Variants in STAC observed in about 807,000 individuals in gnomAD.
STAC encodes SH3 and cysteine rich domain, also known as SH3 and cysteine-rich domain-containing protein.
A neutral mutation model predicts 48.8 loss-of-function variants in STAC; 43 were observed. The ratio of observed to expected loss-of-function variants is 0.88; its 90% CI spans 0.69 to 1.14. The LOEUF is 1.14. Ranked by LOEUF, STAC falls within the 50% of genes most tolerant of loss-of-function variation. STAC has a pLI of 0.00. For missense variants in STAC, 497 were observed against 504.0 expected, an observed-to-expected ratio of 0.99 and a Z score of 0.13; for synonymous variants, 193 against 179.5, an observed-to-expected ratio of 1.07 and a Z score of -0.60.
chr3:36,429,349 G>A (rs1700635850), intron 1 of STAC, among the ~76,000 whole-genome samples: 4 of 152,108 alleles, frequency 2.6e-5, no homozygotes, highest in Admixed American at 2.6e-4. Flanking sequence ...TCTGGTCCTT[G>A]TGCTGCCCCA....
intron 1 of STAC, among the ~76,000 whole-genome samples, chr3:36,427,109 C>T (rs879767491): frequency 2.0e-5 from 3 of 152,166 alleles, no homozygotes; most frequent in Non-Finnish European, 4.4e-5. Flanking sequence ...AGTTAGCCTC[C>T]ACCTTTCTCA....
At chr3:36,411,770 G>A (rs1213476847) in intron 1 of STAC, among the ~76,000 whole-genome samples, 1 of 152,162 alleles carries the variant, frequency 6.6e-6, no homozygotes, top group African/African-American at 2.4e-5. Flanking sequence ...CAATATGAGT[G>A]GGTCACGAGC....
chr3:36,514,042 T>C (rs1366374017), intron 8 of STAC, among the ~76,000 whole-genome samples: 1 of 151,938 alleles, frequency 6.6e-6, no homozygotes, highest in African/African-American at 2.4e-5. Context: ...TAAAAGGAGA[T>C]AATCACTTTG....
chr3:36,393,423 A>G (rs1355475304), intron 1 of STAC, among the ~76,000 whole-genome samples: 2 of 152,040 alleles, frequency 1.3e-5, no homozygotes, highest in Non-Finnish European at 2.9e-5. Flanking sequence ...AAAAATGCAT[A>G]ACATTATTTT....
intron 7 of STAC, 83 bp from the exon 8 acceptor site, chr3:36,505,663 T>A (rs1391743635): frequency 1.1e-6 from 1 of 891,416 alleles, no homozygotes; most frequent in East Asian, 2.6e-5. Flanking sequence ...TTGCAATGAC[T>A]TCTCCATTTC....
At chr3:36,529,338 C>G (rs1699012746) in intron 10 of STAC, 1 of 160,600 alleles carries the variant, frequency 6.2e-6, no homozygotes, top group Non-Finnish European at 1.4e-5. Flanking sequence ...CTTCAGTGCT[C>G]TCTAACAAAT....
At chr3:36,482,953 A>G (rs1349305184) in intron 2 of STAC, 39 bp from the exon 3 acceptor site, 3 of 1,424,538 alleles carry the variant, frequency 2.1e-6, no homozygotes, top group Non-Finnish European at 3.0e-6. Flanking sequence ...AGGAAATGGC[A>G]GGTTGTATCC....
intron 2 of STAC, among the ~76,000 whole-genome samples, chr3:36,448,171 T>A (rs1696569651): frequency 7.1e-6 from 1 of 140,542 alleles, no homozygotes; most frequent in Admixed American, 7.5e-5. Context: ...TTATTTTATT[T>A]TATTTTATTT....
intron 1 of STAC, among the ~76,000 whole-genome samples, chr3:36,410,421 A>T (rs189285324): frequency 2.6e-5 from 4 of 152,172 alleles, no homozygotes; most frequent in Non-Finnish European, 4.4e-5. Context: ...TCTTTAAATT[A>T]TCTCAACAGC....
intron 1 of STAC, among the ~76,000 whole-genome samples, chr3:36,423,750 A>T (rs937845983): frequency 7.9e-5 from 12 of 152,154 alleles, no homozygotes; most frequent in African/African-American, 2.7e-4. Context: ...TATAAGTATG[A>T]GCAAATTCTT....
chr3:36,505,644 G>A (rs1559517387), intron 7 of STAC, 102 bp from the exon 8 acceptor site: 2 of 759,974 alleles, frequency 2.6e-6, no homozygotes, highest in Admixed American at 5.9e-5. Context: ...TCCATACACT[G>A]AAATTACATT....
chr3:36,461,887 G>A (rs1306433691), intron 2 of STAC, among the ~76,000 whole-genome samples: 1 of 152,166 alleles, frequency 6.6e-6, no homozygotes, highest in Non-Finnish European at 1.5e-5. Flanking sequence ...GTAGGCCACT[G>A]CAAGGACTTT....
chr3:36,385,747 A>T (rs1699602978), intron 1 of STAC, among the ~76,000 whole-genome samples: 2 of 152,154 alleles, frequency 1.3e-5, no homozygotes, highest in Non-Finnish European at 2.9e-5. Flanking sequence ...TGATAAATTG[A>T]ATCATACAAT....
At chr3:36,463,315 C>T (rs567905397) in intron 2 of STAC, among the ~76,000 whole-genome samples, 1 of 152,100 alleles carries the variant, frequency 6.6e-6, no homozygotes, top group Non-Finnish European at 1.5e-5. Flanking sequence ...TTAATTTCAT[C>T]CTCAGTCATT....
Position 36,403,576 on chromosome 3 carries a change from C to A in STAC, c.111+22822C>A, listed in dbSNP as rs80016120. Among the ~76,000 whole-genome samples the A allele has an allele frequency of 9.1e-4, 138 of 150,916 alleles. 2 individuals are homozygous for A. In the East Asian group the frequency reaches 0.026, roughly 29 times the overall value. The stretch of plus-strand genomic sequence containing the variant: ...GAGCAATGAAAGTAAAATAGAAGTG[C>A]CACACAGTAAAAGCAAAAAATGTAA... On this transcript the variant is annotated intron_variant, in intron 1 of 10. Transcript: ENST00000273183.
intron 1 of STAC, among the ~76,000 whole-genome samples, chr3:36,391,800 C>A (rs1699756484): frequency 1.3e-5 from 2 of 152,148 alleles, no homozygotes; most frequent in South Asian, 4.1e-4. Flanking sequence ...GAAACATATA[C>A]CTGTTGCCTG....
chr3:36,538,931 T>C (rs1168043142), intron 10 of STAC, among the ~76,000 whole-genome samples: 2 of 152,210 alleles, frequency 1.3e-5, no homozygotes, highest in Non-Finnish European at 2.9e-5. Context: ...CAATGCCTCT[T>C]TCTCCAGGAG....
At chr3:36,380,808 G>T in intron 1 of STAC, 54 bp downstream of exon 1, 1 of 1,422,258 alleles carries the variant, frequency 7.0e-7, no homozygotes, top group South Asian at 1.3e-5. Context: ...CTCTCCTGTC[G>T]GTCCAGCTTT....
chr3:36,487,730 TATA>T (rs1697853187), intron 5 of STAC, among the ~76,000 whole-genome samples: 1 of 152,214 alleles, frequency 6.6e-6, no homozygotes, highest in South Asian at 2.1e-4. Flanking sequence ...TTAAGGATAT[TATA>T]ATGACTGTGT....
Sources: gnomAD v4.1 joint callset for allele counts (sites outside exome capture counted in the v4.1 genomes callset) on GRCh38, gnomAD v4.1.1 for gene constraint, MANE v1.5 for transcripts, NCBI Gene and HGNC (gene_info 2026-07-23, HGNC 2026-07-21) for gene names.